The following FAM3C variants were observed in gnomAD, a reference collection of about 807,000 sequenced individuals.
The protein encoded by FAM3C is protein FAM3C.
In FAM3C, 15 loss-of-function variants were observed where a neutral mutation model predicts 32.5. The observed-to-expected ratio is 0.46, with a 90% CI of 0.31 to 0.71. The LOEUF is 0.71. FAM3C is among the 30% of genes least tolerant of loss of function. FAM3C has a pLI of 0.05. For missense variants in FAM3C, 175 were observed against 274.4 expected (o/e 0.64, Z 2.56); for synonymous variants, 75 against 86.1 (o/e 0.87, Z 0.72).
chr7:121,395,194 G>C (rs1794659454), intron 1 of FAM3C, among the ~76,000 whole-genome samples: 1 of 149,136 alleles, frequency 6.7e-6, no homozygotes, highest in African/African-American at 2.5e-5. Context: ...TGGATACATG[G>C]ATACATACAT....
chr7:121,365,162 C>T (rs1008910453), intron 5 of FAM3C, among the ~76,000 whole-genome samples: 4 of 152,076 alleles, frequency 2.6e-5, no homozygotes, highest in Admixed American at 2.6e-4. Context: ...AAATCTCAGT[C>T]GATTCTCACA....
chr7:121,363,181 A>T (rs1470682156), intron 6 of FAM3C, among the ~76,000 whole-genome samples: 3 of 152,174 alleles, frequency 2.0e-5, no homozygotes, highest in East Asian at 3.8e-4. Flanking sequence ...CTTTCTCATT[A>T]ATCTTTTAAG....
At chr7:121,376,662 C>T (rs1291453752) in intron 3 of FAM3C, among the ~76,000 whole-genome samples, 1 of 152,120 alleles carries the variant, frequency 6.6e-6, no homozygotes, top group African/African-American at 2.4e-5. Context: ...TGGAGCATTT[C>T]AGATTTTGAA....
intron 9 of FAM3C, 21 bp from the exon 10 acceptor site, chr7:121,350,571 T>C (rs768290573): frequency 8.7e-6 from 14 of 1,610,014 alleles, no homozygotes; most frequent in Middle Eastern, 1.7e-4. Context: ...ACAGTAATAA[T>C]ATACAGTTTA....
chr7:121,371,774 T>C (rs563728660), intron 4 of FAM3C, among the ~76,000 whole-genome samples: 11 of 152,176 alleles, frequency 7.2e-5, no homozygotes, highest in Non-Finnish European at 1.6e-4. Context: ...AATGTTACTT[T>C]GCACTTCTAG....
At chr7:121,367,931 A>G (rs1464135556) in intron 5 of FAM3C, among the ~76,000 whole-genome samples, 1 of 151,884 alleles carries the variant, frequency 6.6e-6, no homozygotes, top group Non-Finnish European at 1.5e-5. Context: ...GCGTCACTGT[A>G]CTCCAGCCTG....
chr7:121,382,748 AGACTT>A (rs967024214), intron 2 of FAM3C, among the ~76,000 whole-genome samples: 1 of 151,902 alleles, frequency 6.6e-6, no homozygotes, highest in African/African-American at 2.4e-5. Flanking sequence ...TTTCAACAAA[AGACTT>A]GAACAAAAAA....
intron 1 of FAM3C, among the ~76,000 whole-genome samples, chr7:121,392,533 T>C (rs1794598655): frequency 6.6e-6 from 1 of 152,142 alleles, no homozygotes; most frequent in Admixed American, 6.5e-5. Flanking sequence ...TGAGATGAGA[T>C]TTGAGTGGGG....
intron 6 of FAM3C, 150 bp from the exon 7 acceptor site, chr7:121,363,097 A>G: frequency 1.9e-6 from 1 of 522,488 alleles, no homozygotes; most frequent in East Asian, 3.5e-5. Flanking sequence ...CATCTCAAAG[A>G]ATTACTTTGA....
chr7:121,359,502 T>C (rs888402026), intron 8 of FAM3C, among the ~76,000 whole-genome samples: 12 of 152,080 alleles, frequency 7.9e-5, no homozygotes, highest in African/African-American at 2.9e-4. Context: ...TAAAATATCA[T>C]CAATGTTTAC....
rs67605909 is a variant in FAM3C at position 121,395,234 on chromosome 7, C to CATACATACATATATATGG, written c.-42+910_-42+927dup. Among the ~76,000 whole-genome samples, 156 of 133,168 alleles carry CATACATACATATATATGG rather than the reference C, an allele frequency of 1.2e-3. No individual in the cohort carries two copies. The Middle Eastern group carries it at 0.019, about 16-fold the overall frequency. The allele number at this position is 133,168 out of a possible 152,430, so 87.4% of individuals were successfully genotyped here. On this transcript the variant is annotated intron_variant, in intron 1 of 9. Coordinates refer to ENST00000359943, the MANE Select transcript of FAM3C (RefSeq NM_014888.3). ...ACGGATACATACATATATATGGATA[C>CATACATACATATATATGG]ATACATACATATATATGGATACATA...
At position 121,349,029 on chromosome 7, in the gene FAM3C, A is replaced by T. The variant is rs532830308; in HGVS notation, c.*1432T>A. The T allele has an allele frequency of 6.0e-4, 91 of 152,364 alleles. No homozygotes were observed. The highest frequency in any genetic ancestry group is 2.0e-3 in the African/African-American group (83 of 41,476). 9.4% of individuals were successfully genotyped at this position (152,364 alleles called of 1,614,324 possible). ...TTAGCATATAAGCACCAAAAATCCC[A>T]AAAGTATACAAAGATTGTTTAAACA... On this transcript the variant is annotated 3_prime_UTR_variant, in exon 10 of 10. Transcript: ENST00000359943.
intron 3 of FAM3C, among the ~76,000 whole-genome samples, chr7:121,373,676 T>C (rs1018897213): frequency 1.3e-5 from 2 of 152,210 alleles, no homozygotes; most frequent in Non-Finnish European, 2.9e-5. Flanking sequence ...GTATATACTA[T>C]ATACCAATGG....
chr7:121,356,111 A>C (rs1300501024), intron 8 of FAM3C, among the ~76,000 whole-genome samples: 1 of 152,166 alleles, frequency 6.6e-6, no homozygotes. Flanking sequence ...TCACGAGCCA[A>C]AAATGTAATG....
intron 3 of FAM3C, among the ~76,000 whole-genome samples, chr7:121,377,157 C>G (rs376197553): frequency 2.1e-4 from 32 of 152,216 alleles, no homozygotes; most frequent in African/African-American, 7.5e-4. Context: ...TTATAAGGGA[C>G]TTTCCCCTCG....
intron 8 of FAM3C, among the ~76,000 whole-genome samples, chr7:121,356,039 GAA>G (rs11347177): frequency 6.8e-5 from 9 of 133,134 alleles, no homozygotes; most frequent in African/African-American, 1.9e-4. Context: ...CAGTGGTTTA[GAA>G]AAAAAAAAAA....
Position 121,372,106 on chromosome 7 carries a change from T to C in FAM3C, c.148+4A>G, listed in dbSNP as rs1290687512. 6.2e-7 allele frequency: 1 copy of C among 1,604,874 alleles called. No homozygotes were observed. The highest frequency in any genetic ancestry group is 8.5e-7 in the Non-Finnish European group (1 of 1,173,298). On this transcript the variant is annotated splice_donor_region_variant and intron_variant, in intron 4 of 9. Coordinates refer to ENST00000359943, the MANE Select transcript of FAM3C (RefSeq NM_014888.3). ...TACATAAAATATTGAGATGAAATAC[T>C]TACAACGTGCAGCTGTGTCCAATGC...
intron 7 of FAM3C, among the ~76,000 whole-genome samples, chr7:121,360,840 C>T (rs1466880073): frequency 1.3e-5 from 2 of 151,124 alleles, no homozygotes; most frequent in Non-Finnish European, 3.0e-5. Flanking sequence ...GTCTCAAAAA[C>T]AAAACAAAAA....
intron 3 of FAM3C, among the ~76,000 whole-genome samples, chr7:121,373,866 CA>C (rs937424478): frequency 2.3e-3 from 318 of 139,290 alleles, no homozygotes; most frequent in Middle Eastern, 7.2e-3. Flanking sequence ...ACTACAAATA[CA>C]AAAAAAAAAA....
Sources: gnomAD v4.1 joint callset for allele counts (sites outside exome capture counted in the v4.1 genomes callset) on GRCh38, gnomAD v4.1.1 for gene constraint, MANE v1.5 for transcripts, NCBI Gene and HGNC (gene_info 2026-07-23, HGNC 2026-07-21) for gene names.